The following MND1 variants were observed in gnomAD, a reference collection of about 807,000 sequenced individuals.
MND1 encodes the protein meiotic nuclear divisions 1.
A neutral mutation model predicts 35.1 loss-of-function variants in MND1; 28 were observed. The ratio of observed to expected loss-of-function variants is 0.80; its 90% CI spans 0.59 to 1.09. The LOEUF is 1.09. MND1 is among the 50% of genes least tolerant of loss of function. The pLI, the probability that MND1 is intolerant of heterozygous loss-of-function variation, is 0.00. For synonymous variants in MND1, 69 were observed against 70.5 expected (o/e 0.98, Z 0.11); for missense variants, 213 against 239.6 (o/e 0.89, Z 0.73).
At chr4:153,368,923 A>G (rs1484913744) in intron 4 of MND1, among the ~76,000 whole-genome samples, 1 of 152,270 alleles carries the variant, frequency 6.6e-6, no homozygotes, top group Non-Finnish European at 1.5e-5. Context: ...ACTTTAAGAA[A>G]TAGACATTAC....
At chr4:153,353,532 C>A (rs1422023508) in intron 2 of MND1, among the ~76,000 whole-genome samples, 2 of 149,232 alleles carry the variant, frequency 1.3e-5, no homozygotes, top group African/African-American at 4.9e-5. Flanking sequence ...GGGTAGCACG[C>A]CTTTTTCAGG....
intron 7 of MND1, 29 bp downstream of exon 7, chr4:153,409,044 A>G (rs753750628): frequency 6.2e-6 from 8 of 1,297,602 alleles, no homozygotes; most frequent in East Asian, 3.0e-5. Context: ...CTGATAAACT[A>G]TAGCTAAATT....
chr4:153,372,290 C>A (rs572042710), intron 4 of MND1, among the ~76,000 whole-genome samples: 1 of 152,026 alleles, frequency 6.6e-6, no homozygotes, highest in Non-Finnish European at 1.5e-5. Context: ...AACACGCTAT[C>A]TGAAGTGCAG....
At chr4:153,371,869 G>A (rs1182373877) in intron 4 of MND1, among the ~76,000 whole-genome samples, 1 of 152,054 alleles carries the variant, frequency 6.6e-6, no homozygotes, top group Non-Finnish European at 1.5e-5. Context: ...TCCTAACTAA[G>A]CTTAATCATT....
At chr4:153,371,455 T>C (rs1773787542) in intron 4 of MND1, among the ~76,000 whole-genome samples, 1 of 152,144 alleles carries the variant, frequency 6.6e-6, no homozygotes, top group Admixed American at 6.5e-5. Flanking sequence ...GGCTAGGTCT[T>C]CTGGATAACT....
intron 3 of MND1, 89 bp downstream of exon 3, chr4:153,355,800 G>A: frequency 1.2e-6 from 1 of 844,434 alleles, no homozygotes; most frequent in Non-Finnish European, 1.9e-6. Context: ...CATCTTTTCT[G>A]CAACAGTCTT....
chr4:153,403,696 G>T (rs1253346561), intron 6 of MND1, among the ~76,000 whole-genome samples: 1 of 151,972 alleles, frequency 6.6e-6, no homozygotes, highest in Non-Finnish European at 1.5e-5. Context: ...TCCCGGCCGG[G>T]TTCAAGTGAT....
chr4:153,378,308 G>A (rs1296487638), intron 4 of MND1, among the ~76,000 whole-genome samples: 4 of 152,012 alleles, frequency 2.6e-5, no homozygotes, highest in Non-Finnish European at 4.4e-5. Context: ...AATACATATT[G>A]TATAGAAATA....
At chr4:153,393,263 G>A (rs1729095728) in intron 4 of MND1, among the ~76,000 whole-genome samples, 1 of 151,858 alleles carries the variant, frequency 6.6e-6, no homozygotes, top group Non-Finnish European at 1.5e-5. Context: ...TTGACTTAGT[G>A]AAATAAGTCA....
intron 4 of MND1, among the ~76,000 whole-genome samples, chr4:153,365,327 T>A (rs926850654): frequency 6.6e-6 from 1 of 152,110 alleles, no homozygotes; most frequent in Non-Finnish European, 1.5e-5. Context: ...CTTGCTCCCA[T>A]GATAGATAAC....
intron 4 of MND1, among the ~76,000 whole-genome samples, chr4:153,368,326 C>G (rs919464056): frequency 1.8e-4 from 28 of 152,228 alleles, no homozygotes; most frequent in African/African-American, 6.7e-4. Flanking sequence ...TATTTTTTAT[C>G]ACAAGTAAAA....
intron 1 of MND1, chr4:153,345,325 C>A: frequency 1.0e-6 from 1 of 985,428 alleles, no homozygotes; most frequent in South Asian, 4.7e-5. Flanking sequence ...TTCGAGTTAC[C>A]TAATGGATCT....
chr4:153,359,779 C>CTTTTTTTT (rs34112305), intron 4 of MND1, among the ~76,000 whole-genome samples: 2 of 62,160 alleles, frequency 3.2e-5, no homozygotes, highest in African/African-American at 1.2e-4. Context: ...TTTGGAAGAT[C>CTTTTTTTT]TTTTTTTTTT....
intron 4 of MND1, among the ~76,000 whole-genome samples, chr4:153,386,998 G>A (rs1362899574): frequency 1.3e-5 from 2 of 152,144 alleles, no homozygotes; most frequent in African/African-American, 2.4e-5. Context: ...CTTTTAAAAC[G>A]AGAATGCTCA....
At chr4:153,405,467 C>T (rs1339361054) in intron 6 of MND1, among the ~76,000 whole-genome samples, 6 of 151,034 alleles carry the variant, frequency 4.0e-5, no homozygotes, top group Admixed American at 2.0e-4. Flanking sequence ...ACCCAGGAGG[C>T]GGAGCTTGCA....
At chr4:153,393,368 CTTTTTTT>C (rs60689772) in intron 4 of MND1, among the ~76,000 whole-genome samples, 12 of 125,338 alleles carry the variant, frequency 9.6e-5, no homozygotes, top group South Asian at 2.7e-4. Context: ...CAATTTCTTT[CTTTTTTT>C]TTTTTTTTTT....
At chr4:153,344,956 C>T (rs1773035702) in intron 1 of MND1, among the ~76,000 whole-genome samples, 1 of 152,172 alleles carries the variant, frequency 6.6e-6, no homozygotes, top group Admixed American at 6.5e-5. Flanking sequence ...TGTCCGGAGT[C>T]CCGAGGCGCG....
At chr4:153,378,114 A>C (rs1728563076) in intron 4 of MND1, among the ~76,000 whole-genome samples, 1 of 152,222 alleles carries the variant, frequency 6.6e-6, no homozygotes, top group African/African-American at 2.4e-5. Context: ...TTTTGAGTGA[A>C]TGCATAAATC....
At chr4:153,410,623 T>C (rs1407712778) in intron 7 of MND1, among the ~76,000 whole-genome samples, 1 of 152,200 alleles carries the variant, frequency 6.6e-6, no homozygotes, top group Non-Finnish European at 1.5e-5. Flanking sequence ...TTACTTATCA[T>C]ATAGCTTTTA....
Sources: gnomAD v4.1 joint callset for allele counts (sites outside exome capture counted in the v4.1 genomes callset) on GRCh38, gnomAD v4.1.1 for gene constraint, MANE v1.5 for transcripts, NCBI Gene and HGNC (gene_info 2026-07-23, HGNC 2026-07-21) for gene names.